The following PIK3R4 variants were observed in gnomAD, a reference collection of about 807,000 sequenced individuals.
PIK3R4 encodes the protein phosphoinositide-3-kinase regulatory subunit 4, also known as phosphoinositide 3-kinase regulatory subunit 4.
A neutral mutation model predicts 136.5 loss-of-function variants in PIK3R4; 46 were observed. The ratio of observed to expected loss-of-function variants is 0.34; its 90% CI spans 0.27 to 0.43. The LOEUF is 0.43. PIK3R4 is among the 20% of genes least tolerant of loss of function. PIK3R4 has a pLI of 1.00. For synonymous variants in PIK3R4, 557 were observed against 566.7 expected (o/e 0.98, Z 0.24); for missense variants, 1,331 against 1,649.5 (o/e 0.81, Z 3.35).
chr3:130,737,911 T>C (rs1576464314), intron 2 of PIK3R4, among the ~76,000 whole-genome samples: 1 of 152,330 alleles, frequency 6.6e-6, no homozygotes, highest in South Asian at 2.1e-4. Flanking sequence ...TGTATCACTT[T>C]TGCACCATGG....
At chr3:130,686,070 T>A in intron 15 of PIK3R4, 141 bp downstream of exon 15, 3 of 614,012 alleles carry the variant, frequency 4.9e-6, no homozygotes, top group Non-Finnish European at 2.9e-6. Flanking sequence ...AAATTGCAAG[T>A]TATTTTAACA....
chr3:130,689,612 C>T (rs2066506035), intron 14 of PIK3R4, among the ~76,000 whole-genome samples: 1 of 152,200 alleles, frequency 6.6e-6, no homozygotes. Context: ...CATGGCTTAT[C>T]ATCCACTAAA....
intron 2 of PIK3R4, 140 bp downstream of exon 2, chr3:130,744,346 T>C: frequency 2.4e-6 from 2 of 848,620 alleles, no homozygotes; most frequent in East Asian, 4.9e-5. Context: ...GCAGGAATGC[T>C]GCCTCTAACT....
chr3:130,695,768 A>G lies in PIK3R4; in HGVS notation c.3099-5114T>C, dbSNP rs909263208. On this transcript the variant is annotated intron_variant, in intron 13 of 19. Coordinates refer to ENST00000356763, the MANE Select transcript of PIK3R4 (RefSeq NM_014602.3). ...TAAACTTTATCATAGATATGTACAC[A>G]TAACAAAAACCACAGTATACATAAG... is the stretch of plus-strand genomic sequence containing the variant. Among the ~76,000 whole-genome samples the G allele has an allele frequency of 1.3e-5, 2 of 152,190 alleles. 1 individual carries two copies. Among genetic ancestry groups the G allele is most frequent in the South Asian group, 4.1e-4 (2 of 4,828 alleles).
chr3:130,679,402 G>A lies in PIK3R4; in HGVS notation c.3990C>T (p.Asp1330=), dbSNP rs145121897. ...GGAATGTGGCGACATCAGTGATGAT[G>A]TCATGATGTCCCACGGGCAGGGACT... The part of the protein sequence containing the change: ...GPESLPVGHH[D]IITDVATFQT... The change falls in exon 20 of 20, where the codon GAC becomes GAT. Residue 1330 remains aspartate, a synonymous_variant. Coordinates refer to ENST00000356763, the MANE Select transcript of PIK3R4 (RefSeq NM_014602.3). 3.7e-6 allele frequency: 6 copies of A among 1,611,262 alleles called. No individual in the cohort carries two copies. Among genetic ancestry groups the A allele is most frequent in the Admixed American group, 1.7e-5 (1 of 60,026 alleles).
intron 6 of PIK3R4, among the ~76,000 whole-genome samples, chr3:130,725,099 G>A (rs1010130363): frequency 6.6e-6 from 1 of 151,704 alleles, no homozygotes; most frequent in Admixed American, 6.6e-5. Context: ...TAAAATTCCA[G>A]TGAATTATAT....
chr3:130,720,268 T>G (rs1039530559), intron 7 of PIK3R4, among the ~76,000 whole-genome samples: 2 of 152,056 alleles, frequency 1.3e-5, no homozygotes, highest in African/African-American at 4.8e-5. Context: ...CGATCTCGAC[T>G]CATCGCAACC....
At chr3:130,711,305 A>G (rs868069262) in intron 9 of PIK3R4, among the ~76,000 whole-genome samples, 5 of 152,278 alleles carry the variant, frequency 3.3e-5, no homozygotes, top group Middle Eastern at 6.8e-3. Flanking sequence ...AAAATATTTA[A>G]AACTGAGTCC....
intron 6 of PIK3R4, among the ~76,000 whole-genome samples, chr3:130,726,417 T>A (rs1399215432): frequency 3.9e-5 from 6 of 152,134 alleles, no homozygotes. Flanking sequence ...CAGGCACTAT[T>A]CTTATTTCCA....
chr3:130,697,492 T>G (rs1236145648), intron 13 of PIK3R4, among the ~76,000 whole-genome samples: 1 of 152,234 alleles, frequency 6.6e-6, no homozygotes, highest in Non-Finnish European at 1.5e-5. Context: ...GGATCATGTT[T>G]TTTCACCCCT....
rs191431890 is a variant in PIK3R4, at chr3:130,745,871, A to C, written c.-47+447T>G. On this transcript the variant is annotated intron_variant, in intron 1 of 19. Coordinates refer to ENST00000356763, the MANE Select transcript of PIK3R4 (RefSeq NM_014602.3). ...AATCCCGTCTCTACTAAAAATACAA[A>C]AATTAGCCGGGCGTGGTAGTGGGTG... Among the ~76,000 whole-genome samples the C allele has an allele frequency of 2.3e-3, 344 of 152,184 alleles. 2 individuals carry two copies. The highest frequency in any genetic ancestry group is 4.0e-3 in the Non-Finnish European group (270 of 68,006).
In PIK3R4 at chr3:130,690,594, G is replaced by A. The variant is rs552536210; in HGVS notation, c.3159C>T (p.Gly1053=). The change falls in exon 14 of 20, where the codon GGC becomes GGT. Residue 1053 remains glycine, a synonymous_variant. Transcript: ENST00000356763. ...GRVKTLTFCQ[G]SHYLAIASDN... Reference sequence around the variant, plus strand: ...CAGATGCTATGGCTAAATAGTGGGAGCCTTGGCAGAATGTGAGCGTCTTGA... The same window carrying A: ...CAGATGCTATGGCTAAATAGTGGGAACCTTGGCAGAATGTGAGCGTCTTGA... 9 of 1,611,498 alleles carry A rather than the reference G, an allele frequency of 5.6e-6. No homozygotes were observed. The highest frequency in any genetic ancestry group is 1.7e-5 in the Admixed American group (1 of 59,978).
chr3:130,727,878 A>G (rs2066741918), intron 6 of PIK3R4, among the ~76,000 whole-genome samples: 1 of 152,204 alleles, frequency 6.6e-6, no homozygotes, highest in South Asian at 2.1e-4. Context: ...TCATGCATAT[A>G]AAACACAAGA....
chr3:130,709,265 T>C (rs1435653950), intron 9 of PIK3R4, among the ~76,000 whole-genome samples: 1 of 152,166 alleles, frequency 6.6e-6, no homozygotes, highest in Non-Finnish European at 1.5e-5. Context: ...GCAACTTAAA[T>C]ATTCTGGTAA....
chr3:130,715,903 A>C (rs1269918160), intron 9 of PIK3R4, among the ~76,000 whole-genome samples: 1 of 152,234 alleles, frequency 6.6e-6, no homozygotes, highest in Non-Finnish European at 1.5e-5. Flanking sequence ...TTTAAGATAT[A>C]CCAGTAAACT....
In PIK3R4 at chr3:130,680,745, G is replaced by A. The variant is rs947456552; in HGVS notation, c.3798-24C>T. 8.5e-6 allele frequency: 12 copies of A among 1,405,224 alleles called. No individual in the cohort carries two copies. In the East Asian group the frequency reaches 2.7e-4, roughly 32 times the overall value. The allele number at this position is 1,405,224 out of a possible 1,614,324, so 87.0% of individuals were successfully genotyped here. A position where few individuals can be genotyped will look rare whatever the true frequency, so the allele number is the denominator to read the frequency against. ...ACCTAGGAAAGAGGAAATAAATGAT[G>A]ACAATCTCTTCAGGACAATGGGAGG... is the stretch of plus-strand genomic sequence containing the variant. On this transcript the variant is annotated intron_variant, in intron 18 of 19. Transcript: ENST00000356763.
intron 13 of PIK3R4, among the ~76,000 whole-genome samples, chr3:130,696,203 TTTTG>T (rs1048140690): frequency 2.6e-4 from 40 of 152,054 alleles, no homozygotes; most frequent in East Asian, 1.9e-4. Context: ...GGTGTGCCAA[TTTTG>T]TTTATCTTTA....
chr3:130,718,666 C>T, intron 7 of PIK3R4, 132 bp from the exon 8 acceptor site: 1 of 697,812 alleles, frequency 1.4e-6, no homozygotes, highest in Non-Finnish European at 2.4e-6. Flanking sequence ...TTCACATACT[C>T]AATTACCCTG....
chr3:130,679,511 G>C (rs745415861), intron 19 of PIK3R4, 26 bp from the exon 20 acceptor site: 6 of 1,581,214 alleles, frequency 3.8e-6, no homozygotes, highest in Non-Finnish European at 5.2e-6. Flanking sequence ...AAGGGAGCAA[G>C]CCAGAGGTTA....
Sources: gnomAD v4.1 joint callset for allele counts (sites outside exome capture counted in the v4.1 genomes callset) on GRCh38, gnomAD v4.1.1 for gene constraint, MANE v1.5 for transcripts, NCBI Gene and HGNC (gene_info 2026-07-23, HGNC 2026-07-21) for gene names.